Variants in SH2D3C observed in about 807,000 individuals in gnomAD.
SH2D3C encodes the protein SH2 domain-containing protein 3C.
A neutral mutation model predicts 75.2 loss-of-function variants in SH2D3C; 25 were observed. The ratio of observed to expected loss-of-function variants is 0.33; its 90% CI spans 0.24 to 0.46. The LOEUF (loss-of-function observed/expected upper bound fraction) is 0.46. Among genes scored for constraint, SH2D3C ranks in the 20% least tolerant of loss-of-function variants. SH2D3C has a pLI of 1.00. For missense variants in SH2D3C, 933 were observed against 1,165.3 expected (o/e 0.80, Z 2.90); for synonymous variants, 450 against 473.7 (o/e 0.95, Z 0.65).
chr9:127,742,099 G>T, intron 8 of SH2D3C, 140 bp from the exon 9 acceptor site: 1 of 768,238 alleles, frequency 1.3e-6, no homozygotes. Context: ...ATGGGATAAG[G>T]GGGCGCGGCC....
At position 127,754,290 on chromosome 9, in the gene SH2D3C, G is replaced by C. The variant is rs1845291094; in HGVS notation, c.556-2990C>G. On this transcript the variant is annotated intron_variant, in intron 3 of 11. Coordinates refer to ENST00000314830, the MANE Select transcript of SH2D3C (RefSeq NM_170600.3). This position sits in a 1 kb window ranked among gnomAD's most constrained non-coding sequence, Gnocchi z 4.4. ...TCCGCGAGCGTGTGTGAGCCTGGGG[G>C]AGCGAAGAGCCGACGCGCCTGGCAT... Among the ~76,000 whole-genome samples, 1 of 152,120 alleles carries C rather than the reference G, an allele frequency of 6.6e-6. No homozygotes were observed. The highest frequency in any genetic ancestry group is 2.4e-5 in the African/African-American group (1 of 41,440).
Position 127,757,660 on chromosome 9 carries a change from T to TATTATC in SH2D3C, c.555+3950_555+3951insGATAAT, listed in dbSNP as rs1554798697. On this transcript the variant is annotated intron_variant, in intron 3 of 11. Transcript: ENST00000314830. Reference sequence around the variant, plus strand: ...TGATGATGATGATTATTATTATTATTATTATTATTTTGAGATGGAGTCTCG... The same window carrying TATTATC: ...TGATGATGATGATTATTATTATTATTATTATCATTATTATTTTGAGATGGAGTCTCG... Among the ~76,000 whole-genome samples, 479 of 146,976 alleles carry TATTATC rather than the reference T, an allele frequency of 3.3e-3. 5 individuals are homozygous for TATTATC. Among genetic ancestry groups the TATTATC allele is most frequent in the African/African-American group, 0.011 (452 of 39,496 alleles).
intron 2 of SH2D3C, chr9:127,766,931 G>A: frequency 1.3e-6 from 2 of 1,535,450 alleles, no homozygotes; most frequent in Non-Finnish European, 8.7e-7. Context: ...GCACCTGCCT[G>A]CTCTGAGCTT....
At chr9:127,764,421 C>T (rs972976094) in intron 2 of SH2D3C, among the ~76,000 whole-genome samples, 3 of 152,230 alleles carry the variant, frequency 2.0e-5, no homozygotes, top group Non-Finnish European at 2.9e-5. Flanking sequence ...GAGACCTATT[C>T]TCCCCGCACA....
chr9:127,752,242 G>A lies in SH2D3C; in HGVS notation c.556-942C>T, dbSNP rs545730002. ...CAGCCCAATCCTGGCTGTGCCTTGT[G>A]AGCTCTCTGGGCCTCAATTTCTTCC... is the stretch of plus-strand genomic sequence containing the variant. On this transcript the variant is annotated intron_variant, in intron 3 of 11. Transcript: ENST00000314830. Among the ~76,000 whole-genome samples, 12 of 152,276 alleles carry A rather than the reference G, an allele frequency of 7.9e-5. No individual in the cohort carries two copies. In the South Asian group the frequency reaches 1.7e-3, roughly 21 times the overall value.
chr9:127,767,300 A>G, intron 2 of SH2D3C: 1 of 1,439,578 alleles, frequency 6.9e-7, no homozygotes, highest in Admixed American at 2.8e-5. Flanking sequence ...AAGAAAAGGC[A>G]TCTACTGAGT....
chr9:127,766,017 T>C (rs983414196), intron 2 of SH2D3C, among the ~76,000 whole-genome samples: 8 of 152,242 alleles, frequency 5.3e-5, no homozygotes, highest in Non-Finnish European at 1.2e-4. Context: ...ATTGGATTAA[T>C]GAGCAGCAAT....
chr9:127,748,554 T>G (rs1457235997), intron 5 of SH2D3C, among the ~76,000 whole-genome samples: 1 of 152,202 alleles, frequency 6.6e-6, no homozygotes, highest in Admixed American at 6.5e-5. Flanking sequence ...TTCCCCCCTC[T>G]AAGCCTATGT....
chr9:127,740,703 C>T (rs953435904), intron 9 of SH2D3C, among the ~76,000 whole-genome samples: 7 of 152,176 alleles, frequency 4.6e-5, no homozygotes, highest in Non-Finnish European at 1.0e-4. Context: ...GTTTTTGAGA[C>T]GGAGTCTCAT....
At chr9:127,748,020 G>C (rs1163296803) in intron 5 of SH2D3C, among the ~76,000 whole-genome samples, 1 of 152,136 alleles carries the variant, frequency 6.6e-6, no homozygotes, top group African/African-American at 2.4e-5. Context: ...GATGGGAAAG[G>C]GGGTATAGGC....
intron 4 of SH2D3C, among the ~76,000 whole-genome samples, chr9:127,750,414 C>A (rs2131757258): frequency 6.6e-6 from 1 of 152,298 alleles, no homozygotes; most frequent in Non-Finnish European, 1.5e-5. Flanking sequence ...CTCAGCCTCC[C>A]AAAGTGGTGA....
intron 1 of SH2D3C, among the ~76,000 whole-genome samples, chr9:127,777,764 G>T (rs942726067): frequency 6.6e-6 from 1 of 152,140 alleles, no homozygotes; most frequent in Non-Finnish European, 1.5e-5. Flanking sequence ...AACGAAGTCA[G>T]TCAGAGAGAC....
chr9:127,771,041 G>A, intron 2 of SH2D3C: 1 of 587,112 alleles, frequency 1.7e-6, no homozygotes, highest in East Asian at 3.3e-5. Flanking sequence ...CGGTGACAAA[G>A]TTACACCCAA....
chr9:127,777,929 A>G (rs894159829), intron 1 of SH2D3C, among the ~76,000 whole-genome samples: 30 of 151,868 alleles, frequency 2.0e-4, no homozygotes, highest in African/African-American at 7.0e-4. Flanking sequence ...CCTGGGCAAC[A>G]AAGTGAGAAC....
At chr9:127,744,091 T>TG (rs1844949909) in intron 7 of SH2D3C, among the ~76,000 whole-genome samples, 1 of 149,758 alleles carries the variant, frequency 6.7e-6, no homozygotes, top group African/African-American at 2.5e-5. Context: ...TTTTTTTTTT[T>TG]GAATAGTGTC....
rs999276214 is a variant in SH2D3C at position 127,749,170 on chromosome 9, A to G, written c.1139+41T>C. On this transcript the variant is annotated intron_variant, in intron 5 of 11. Transcript: ENST00000314830. This position sits in a 1 kb window ranked among gnomAD's most constrained non-coding sequence, Gnocchi z 5.9. ...CCTTCTCTTTCTCACTAGCCCTCTCATTACCCACAACCCCATTTGACAAAT... is the reference window on the plus strand; with the variant it reads ...CCTTCTCTTTCTCACTAGCCCTCTCGTTACCCACAACCCCATTTGACAAAT... 62 of 1,425,086 alleles carry G rather than the reference A, an allele frequency of 4.4e-5. No homozygotes were observed. Among genetic ancestry groups the G allele is most frequent in the Non-Finnish European group, 5.7e-6 (6 of 1,051,626 alleles). The allele number at this position is 1,425,086 out of a possible 1,614,324, so 88.3% of individuals were successfully genotyped here. A position where few individuals can be genotyped will look rare whatever the true frequency, so the allele number is the denominator to read the frequency against.
At chr9:127,766,842 T>C (rs1306740678) in intron 2 of SH2D3C, 11 of 1,282,408 alleles carry the variant, frequency 8.6e-6, no homozygotes, top group Non-Finnish European at 9.5e-6. Flanking sequence ...AGTGCTGGGG[T>C]TACAGGCGTG....
chr9:127,761,625 T>C lies in SH2D3C; in HGVS notation c.541A>G (p.Ser181Gly), dbSNP rs35019975. The change falls in exon 3 of 12, where the codon AGC (serine) becomes GGC (glycine). Residue 181 changes from serine to glycine, a missense_variant. By Grantham distance (56) the Ser-to-Gly change is moderately conservative. Transcript: ENST00000314830. ...ERAAGEPEAG[S>G]DYVKFSKEKY... ...GCCCCTCCTACCTTCACATAGTCGC[T>C]GCCAGCCTCTGGCTCTCCAGCAGCC... The C allele has an allele frequency of 0.033, 53,583 of 1,611,808 alleles. 2,642 individuals carry two copies. The highest frequency in any genetic ancestry group is 0.23 in the African/African-American group (17,357 of 74,834).
At chr9:127,747,355 T>C in intron 5 of SH2D3C, 84 bp from the exon 6 acceptor site, 1 of 1,306,052 alleles carries the variant, frequency 7.7e-7, no homozygotes, top group Non-Finnish European at 1.0e-6. Flanking sequence ...CTCTGCACCT[T>C]GAACTTCAGA....
Sources: allele counts gnomAD v4.1 joint callset (sites outside exome capture counted in the v4.1 genomes callset), GRCh38; gene constraint gnomAD v4.1.1; non-coding constraint Gnocchi (gnomAD v3.1); transcripts MANE v1.5; gene names NCBI Gene and HGNC (gene_info 2026-07-23, HGNC 2026-07-21).